The following PCDH15 variants were observed in gnomAD, a reference collection of about 807,000 sequenced individuals.
PCDH15 encodes protocadherin related 15.
A neutral mutation model predicts 178.5 loss-of-function variants in PCDH15; 129 were observed. That is an observed-to-expected ratio of 0.72 (90% CI 0.63 to 0.84). The LOEUF (loss-of-function observed/expected upper bound fraction) is 0.84. Ranked by LOEUF, PCDH15 falls within the 40% of genes least tolerant of loss-of-function variation. PCDH15 has a pLI of 0.00. For synonymous variants in PCDH15, 800 were observed against 732.0 expected, an observed-to-expected ratio of 1.09 and a Z score of -1.50; for missense variants, 2,230 against 2,099.9, an observed-to-expected ratio of 1.06 and a Z score of -1.21.
intron 15 of PCDH15, among the ~76,000 whole-genome samples, chr10:54,113,659 C>CACAT (rs1554795256): frequency 2.6e-5 from 4 of 151,938 alleles, no homozygotes; most frequent in African/African-American, 9.7e-5. Context: ...CACACACACA[C>CACAT]GCACATCTTA....
chr10:55,076,912 G>T (rs1841904841), intron 2 of PCDH15, among the ~76,000 whole-genome samples: 1 of 151,418 alleles, frequency 6.6e-6, no homozygotes. Flanking sequence ...GGGATTATAG[G>T]CATCTGCCAC....
chr10:54,932,767 C>A (rs1053969436), intron 2 of PCDH15, among the ~76,000 whole-genome samples: 2 of 152,110 alleles, frequency 1.3e-5, no homozygotes, highest in East Asian at 3.9e-4. Context: ...AAACCCCTGA[C>A]TGCAGATGAT....
At chr10:55,096,339 T>C (rs2132040673) in intron 2 of PCDH15, among the ~76,000 whole-genome samples, 2 of 152,282 alleles carry the variant, frequency 1.3e-5, no homozygotes, top group East Asian at 3.9e-4. Context: ...TCTGGCTTTA[T>C]GCTTGTTACA....
At chr10:55,306,999 C>T (rs1462753543) in intron 1 of PCDH15, among the ~76,000 whole-genome samples, 1 of 151,486 alleles carries the variant, frequency 6.6e-6, no homozygotes, top group Non-Finnish European at 1.5e-5. Flanking sequence ...GAAATATATA[C>T]ATATATGTAT....
chr10:54,587,514 CA>C (rs1361035364), intron 2 of PCDH15, among the ~76,000 whole-genome samples: 1 of 141,560 alleles, frequency 7.1e-6, no homozygotes, highest in Non-Finnish European at 1.5e-5. Context: ...GTGACGCCAG[CA>C]AAAACCCAAA....
At chr10:55,437,832 CTTTTT>C (rs778307616) in intron 2 of PCDH15, among the ~76,000 whole-genome samples, 12 of 85,178 alleles carry the variant, frequency 1.4e-4, no homozygotes, top group African/African-American at 4.9e-4. Context: ...TATTGCTTTT[CTTTTT>C]TTTTTTTTTT....
intron 1 of PCDH15, among the ~76,000 whole-genome samples, chr10:55,250,861 C>T (rs1473448993): frequency 1.3e-5 from 2 of 151,984 alleles, no homozygotes; most frequent in East Asian, 1.9e-4. Context: ...TACTATTCCA[C>T]TATATGTTCT....
chr10:53,809,021 T>A lies in PCDH15; in HGVS notation c.4671+1535A>T, dbSNP rs758922398. On this transcript the variant is annotated intron_variant, in intron 37 of 37. Coordinates refer to ENST00000644397, the MANE Select transcript of PCDH15 (RefSeq NM_001384140.1). ...TGTTCTTCTTGTGGCTCCTCTTTCCTACCCTTGACTTCCTTGACCTCCTCA... is the reference window on the plus strand; with the variant it reads ...TGTTCTTCTTGTGGCTCCTCTTTCCAACCCTTGACTTCCTTGACCTCCTCA... The A allele has an allele frequency of 1.9e-6, 3 of 1,593,494 alleles. No individual in the cohort carries two copies. The Admixed American group carries it at 5.4e-5, about 29-fold the overall frequency.
intron 2 of PCDH15, among the ~76,000 whole-genome samples, chr10:54,973,722 T>G (rs535608965): frequency 7.3e-4 from 111 of 152,232 alleles, no homozygotes; most frequent in African/African-American, 2.6e-3. Flanking sequence ...ACTGACATCA[T>G]GACAGTTAAA....
intron 35 of PCDH15, among the ~76,000 whole-genome samples, chr10:53,813,344 T>C (rs1247623952): frequency 6.6e-6 from 1 of 152,136 alleles, no homozygotes; most frequent in African/African-American, 2.4e-5. Flanking sequence ...ATCTTATAAT[T>C]TTGCCGTTTA....
chr10:55,037,851 T>C (rs7087015), intron 2 of PCDH15, among the ~76,000 whole-genome samples: 1 of 151,926 alleles, frequency 6.6e-6, no homozygotes, highest in Admixed American at 6.6e-5. Context: ...TTTATTCTTA[T>C]CATAGTGTTA....
intron 2 of PCDH15, among the ~76,000 whole-genome samples, chr10:55,384,650 AT>A (rs1837609912): frequency 6.6e-6 from 1 of 152,140 alleles, no homozygotes; most frequent in Admixed American, 6.5e-5. Context: ...AAGCTGCTTA[AT>A]AAAATACTAT....
chr10:53,857,036 C>T, intron 28 of PCDH15, 139 bp downstream of exon 28: 1 of 685,500 alleles, frequency 1.5e-6, no homozygotes, highest in East Asian at 2.8e-5. Flanking sequence ...ACACTCGAAG[C>T]CTAAACCTCA....
At chr10:54,474,849 CAG>C (rs1240334264) in intron 3 of PCDH15, among the ~76,000 whole-genome samples, 4 of 151,830 alleles carry the variant, frequency 2.6e-5, no homozygotes, top group African/African-American at 9.7e-5. Flanking sequence ...ATTCTTTGAA[CAG>C]AGTGAAAATT....
At chr10:54,708,804 G>A (rs574437724) in intron 1 of PCDH15, among the ~76,000 whole-genome samples, 202 of 115,286 alleles carry the variant, frequency 1.8e-3, no homozygotes, top group African/African-American at 7.0e-3. Flanking sequence ...GTGTGTGTGC[G>A]CGCGCGTGCG....
intron 2 of PCDH15, among the ~76,000 whole-genome samples, chr10:55,164,607 C>T (rs572529914): frequency 9.9e-5 from 15 of 152,000 alleles, no homozygotes; most frequent in African/African-American, 1.4e-4. Context: ...TTTCATAATT[C>T]ATGCTCTTGT....
chr10:54,780,878 C>T (rs946753873), intron 1 of PCDH15, among the ~76,000 whole-genome samples: 4 of 151,834 alleles, frequency 2.6e-5, no homozygotes, highest in Non-Finnish European at 5.9e-5. Flanking sequence ...GAGATCAAAA[C>T]TAAATCAGAA....
chr10:54,459,071 C>T (rs975564490), intron 3 of PCDH15, among the ~76,000 whole-genome samples: 2 of 151,828 alleles, frequency 1.3e-5, no homozygotes, highest in Non-Finnish European at 2.9e-5. Flanking sequence ...AAAAATATGT[C>T]GTGTTCATTG....
intron 2 of PCDH15, among the ~76,000 whole-genome samples, chr10:55,528,361 T>A (rs1841354719): frequency 6.6e-6 from 1 of 152,084 alleles, no homozygotes; most frequent in South Asian, 2.1e-4. Flanking sequence ...TATCTCCTAA[T>A]GCTATCCCTC....
Sources: allele counts gnomAD v4.1 joint callset (sites outside exome capture counted in the v4.1 genomes callset), GRCh38; gene constraint gnomAD v4.1.1; transcripts MANE v1.5; gene names NCBI Gene and HGNC (gene_info 2026-07-23, HGNC 2026-07-21).